The following VCP variants were observed in gnomAD, a reference collection of about 807,000 sequenced individuals.
VCP encodes the protein transitional endoplasmic reticulum ATPase.
Under a neutral mutation model 85.7 loss-of-function variants are expected in VCP, and 6 were observed. The ratio of observed to expected loss-of-function variants is 0.07; its 90% CI spans 0.04 to 0.14. VCP has a LOEUF of 0.14. Ranked by LOEUF, VCP falls within the 10% of genes least tolerant of loss-of-function variation. The pLI is 1.00. For missense variants in VCP, 353 were observed against 1,043.4 expected, an observed-to-expected ratio of 0.34 and a Z score of 9.12; for synonymous variants, 384 against 367.1, an observed-to-expected ratio of 1.05 and a Z score of -0.53.
rs763106348 is a variant in VCP at position 35,061,995 on chromosome 9, G to A, written c.1081+8C>T. 6.2e-7 allele frequency: 1 copy of A among 1,614,078 alleles called. No homozygotes were observed. Among genetic ancestry groups the A allele is most frequent in the Non-Finnish European group, 8.5e-7 (1 of 1,180,044 alleles). ...AAGGACGGGGTCAAAAGTATCTGGA[G>A]TCCTTACCAAATCGCCGTAGAGCTG... On this transcript the variant is annotated splice_region_variant and intron_variant, in intron 9 of 16. Transcript: ENST00000358901.
intron 6 of VCP, among the ~76,000 whole-genome samples, chr9:35,063,926 T>G (rs1349035675): frequency 1.3e-5 from 2 of 152,244 alleles, no homozygotes; most frequent in Non-Finnish European, 2.9e-5. Flanking sequence ...TGTGTGTGTG[T>G]TTTGTGCGCA....
chr9:35,061,984 A>C lies in VCP; in HGVS notation c.1081+19T>G. ...AGGACCTAAGCAAGGACGGGGTCAA[A>C]AGTATCTGGAGTCCTTACCAAATCG... On this transcript the variant is annotated intron_variant, in intron 9 of 16. Transcript: ENST00000358901. 1.2e-6 allele frequency: 2 copies of C among 1,614,190 alleles called. No individual in the cohort carries two copies. The highest frequency in any genetic ancestry group is 1.7e-6 in the Non-Finnish European group (2 of 1,180,034).
At chr9:35,071,086 A>C (rs183694325) in intron 1 of VCP, among the ~76,000 whole-genome samples, 67 of 152,346 alleles carry the variant, frequency 4.4e-4, no homozygotes, top group Non-Finnish European at 7.3e-4. Flanking sequence ...GCCAGGTTCC[A>C]AGAATTTTAG....
At position 35,057,038 on chromosome 9, in the gene VCP, C is replaced by T; in HGVS notation, c.*79G>A. 1 of 1,433,536 alleles carries T rather than the reference C, an allele frequency of 7.0e-7. No individual in the cohort carries two copies. Among genetic ancestry groups the T allele is most frequent in the Non-Finnish European group, 9.8e-7 (1 of 1,020,722 alleles). The allele number at this position is 1,433,536 out of a possible 1,614,324, so 88.8% of individuals were successfully genotyped here. On this transcript the variant is annotated 3_prime_UTR_variant, in exon 17 of 17. Coordinates refer to ENST00000358901, the MANE Select transcript of VCP (RefSeq NM_007126.5). The stretch of plus-strand genomic sequence containing the variant: ...AGCAGGCTGTGGGCGCACCCCTGGT[C>T]CCTCTCCTGGGCAAGCGCCCCCACC...
In VCP at chr9:35,059,919, G is replaced by T. The variant is rs1828688094; in HGVS notation, c.1696-118C>A. 1 of 1,355,834 alleles carries T rather than the reference G, an allele frequency of 7.4e-7. No homozygotes were observed. Among genetic ancestry groups the T allele is most frequent in the Non-Finnish European group, 1.0e-6 (1 of 966,178 alleles). The allele number at this position is 1,355,834 out of a possible 1,614,324, so 84.0% of individuals were successfully genotyped here. ...AGGCCAAGGTGGGAGGATCACTTGA[G>T]GCCAGAAATCCGAAACCAGCATGGG... is the stretch of plus-strand genomic sequence containing the variant. On this transcript the variant is annotated intron_variant, in intron 13 of 16. Coordinates refer to ENST00000358901, the MANE Select transcript of VCP (RefSeq NM_007126.5). This position sits in a 1 kb window ranked among gnomAD's most constrained non-coding sequence, Gnocchi z 4.9.
intron 10 of VCP, 53 bp downstream of exon 10, chr9:35,061,524 A>T: frequency 3.9e-6 from 6 of 1,519,878 alleles, no homozygotes; most frequent in Non-Finnish European, 4.6e-6. Context: ...GCCAGTTCCC[A>T]GCAACTGCCT....
intron 1 of VCP, among the ~76,000 whole-genome samples, chr9:35,071,293 GTTTTTTTTTTT>G (rs869178164): frequency 0.028 from 1,951 of 69,154 alleles, 58 homozygotes; most frequent in African/African-American, 0.1. Flanking sequence ...GGCTGGCTGT[GTTTTTTTTTTT>G]TTTTTTTTTT....
At chr9:35,057,555 T>C (rs749412689) in intron 15 of VCP, 25 bp from the exon 16 acceptor site, 1 of 1,603,914 alleles carries the variant, frequency 6.2e-7, no homozygotes, top group Non-Finnish European at 8.5e-7. Context: ...CACAGATCAC[T>C]AGGGCTAGTT....
At chr9:35,072,115 C>A in intron 1 of VCP, 2 of 1,361,664 alleles carry the variant, frequency 1.5e-6, no homozygotes, top group Non-Finnish European at 1.9e-6. Flanking sequence ...AGGCTCCGAC[C>A]CGGACCCAAC....
intron 12 of VCP, 123 bp from the exon 13 acceptor site, chr9:35,060,648 G>C (rs1282690160): frequency 1.3e-6 from 2 of 1,525,362 alleles, no homozygotes; most frequent in Non-Finnish European, 9.1e-7. Flanking sequence ...AGGTTCTCTA[G>C]AAGAAGACTC....
chr9:35,061,786 G>T, intron 9 of VCP, 97 bp from the exon 10 acceptor site: 2 of 1,372,884 alleles, frequency 1.5e-6, no homozygotes, highest in Non-Finnish European at 1.0e-6. Flanking sequence ...GCACAGGATT[G>T]TCCTAATGCC....
At chr9:35,068,512 G>A (rs1386499357) in intron 1 of VCP, 150 bp from the exon 2 acceptor site, 4 of 755,194 alleles carry the variant, frequency 5.3e-6, no homozygotes, top group African/African-American at 3.4e-5. Context: ...AGGTCACGAG[G>A]AGCAGTATCT....
At chr9:35,063,643 G>A (rs1338628425) in intron 6 of VCP, among the ~76,000 whole-genome samples, 2 of 152,168 alleles carry the variant, frequency 1.3e-5, no homozygotes, top group African/African-American at 4.8e-5. Flanking sequence ...CCACCCACTA[G>A]GAAAATGAGT....
intron 15 of VCP, chr9:35,057,792 G>C: frequency 3.7e-6 from 2 of 538,102 alleles, no homozygotes. Flanking sequence ...AAGTGGCTAA[G>C]GAAACTTTTT....
chr9:35,068,551 C>T (rs1218283465), intron 1 of VCP, among the ~76,000 whole-genome samples, 189 bp from the exon 2 acceptor site: 7 of 152,208 alleles, frequency 4.6e-5, no homozygotes, highest in Admixed American at 3.3e-4. Context: ...CCCATTCCAG[C>T]AGCTCCTGGT....
At chr9:35,067,865 T>C (rs201341281) in intron 3 of VCP, 26 bp downstream of exon 3, 2 of 1,614,068 alleles carry the variant, frequency 1.2e-6, no homozygotes, top group African/African-American at 2.7e-5. Context: ...CTCCCATCCC[T>C]GTGAAGCCAA....
intron 10 of VCP, among the ~76,000 whole-genome samples, 161 bp from the exon 11 acceptor site, chr9:35,061,340 T>C (rs1314791057): frequency 1.3e-5 from 2 of 152,200 alleles, no homozygotes; most frequent in Non-Finnish European, 2.9e-5. Context: ...AAGTACTTAA[T>C]TCTGGACTTG....
intron 11 of VCP, 35 bp downstream of exon 11, chr9:35,060,980 T>C (rs1038108815): frequency 1.1e-5 from 18 of 1,614,018 alleles, no homozygotes; most frequent in Non-Finnish European, 1.5e-5. Context: ...TCAAAGCACG[T>C]ATGTGTGTAC....
chr9:35,072,276 C>A, intron 1 of VCP, 61 bp downstream of exon 1: 1 of 1,485,258 alleles, frequency 6.7e-7, no homozygotes, highest in Non-Finnish European at 8.9e-7. Context: ...GCCGGGCCTA[C>A]CCTGCGCGGC....
Sources: gnomAD v4.1 joint callset for allele counts (sites outside exome capture counted in the v4.1 genomes callset) on GRCh38, gnomAD v4.1.1 for gene constraint, Gnocchi (gnomAD v3.1) non-coding constraint, MANE v1.5 for transcripts, NCBI Gene and HGNC (gene_info 2026-07-23, HGNC 2026-07-21) for gene names.